OTUD7A: variants seen among roughly 807,000 people sequenced by gnomAD.
The protein encoded by OTUD7A is OTU domain-containing protein 7A.
A neutral mutation model predicts 65.7 loss-of-function variants in OTUD7A; 12 were observed. The ratio of observed to expected loss-of-function variants is 0.18; its 90% CI spans 0.12 to 0.30. OTUD7A has a LOEUF of 0.30. Among genes scored for constraint, OTUD7A ranks in the 10% least tolerant of loss-of-function variants. The pLI is 1.00. For synonymous variants in OTUD7A, 641 were observed against 586.3 expected, an observed-to-expected ratio of 1.09 and a Z score of -1.35; for missense variants, 1,148 against 1,304.8, an observed-to-expected ratio of 0.88 and a Z score of 1.85.
intron 1 of OTUD7A, among the ~76,000 whole-genome samples, chr15:31,783,509 C>CA (rs1343939293): frequency 6.6e-6 from 1 of 152,208 alleles, no homozygotes; most frequent in East Asian, 1.9e-4. Context: ...ATCAAACACT[C>CA]AAACTTACAA....
At chr15:31,516,049 T>A (rs2041848907) in intron 8 of OTUD7A, among the ~76,000 whole-genome samples, 1 of 152,238 alleles carries the variant, frequency 6.6e-6, no homozygotes, top group African/African-American at 2.4e-5. Flanking sequence ...TGTCTGTCCA[T>A]TCATCTACCC....
At position 31,493,099 on chromosome 15, in the gene OTUD7A, G is replaced by A. The variant is rs533046051; in HGVS notation, c.1172-5533C>T. 4.4e-4 allele frequency among the ~76,000 whole-genome samples: 67 copies of A among 151,670 alleles called. No individual in the cohort carries two copies. In the South Asian group the frequency reaches 8.4e-3, roughly 19 times the overall value. On this transcript the variant is annotated intron_variant, in intron 10 of 12. Transcript: ENST00000307050. ...TGTGTGCCTGTAATCCTAGCTACTC[G>A]GGAGGCTGAGGCAGGAGAATTGCTT...
intron 3 of OTUD7A, among the ~76,000 whole-genome samples, chr15:31,609,073 G>A (rs1305553643): frequency 6.6e-6 from 1 of 152,200 alleles, no homozygotes; most frequent in Non-Finnish European, 1.5e-5. Flanking sequence ...GGTAGAGGAG[G>A]CAGCGGGAAA....
chr15:31,575,824 G>A (rs1002128608), intron 3 of OTUD7A, among the ~76,000 whole-genome samples: 2 of 152,202 alleles, frequency 1.3e-5, no homozygotes, highest in African/African-American at 4.8e-5. Flanking sequence ...CAAGCGGGAG[G>A]CAGAGAGCTG....
chr15:31,605,940 G>A (rs184938893), intron 3 of OTUD7A, among the ~76,000 whole-genome samples: 2 of 152,280 alleles, frequency 1.3e-5, no homozygotes, highest in African/African-American at 4.8e-5. Context: ...GGAGCCTGTG[G>A]GGAAACCACA....
chr15:31,602,219 A>G (rs1317290016), intron 3 of OTUD7A, among the ~76,000 whole-genome samples: 3 of 152,342 alleles, frequency 2.0e-5, no homozygotes, highest in South Asian at 2.1e-4. Flanking sequence ...AATACTGGCA[A>G]ACCGAATCCA....
chr15:31,821,292 C>T (rs955567288), intron 1 of OTUD7A, among the ~76,000 whole-genome samples: 52 of 147,732 alleles, frequency 3.5e-4, no homozygotes, highest in African/African-American at 1.1e-3. Context: ...TGTGCCACCA[C>T]GCCCAGGTAC....
At chr15:31,724,529 C>T (rs1317314532) in intron 1 of OTUD7A, among the ~76,000 whole-genome samples, 1 of 152,140 alleles carries the variant, frequency 6.6e-6, no homozygotes, top group Non-Finnish European at 1.5e-5. Context: ...ACACAATATG[C>T]CTCTGATGCA....
chr15:31,763,810 C>T (rs1189569898), intron 1 of OTUD7A, among the ~76,000 whole-genome samples: 1 of 152,146 alleles, frequency 6.6e-6, no homozygotes, highest in African/African-American at 2.4e-5. Flanking sequence ...AAAATCACCG[C>T]ATTATAAATA....
intron 4 of OTUD7A, among the ~76,000 whole-genome samples, chr15:31,564,052 G>A (rs1888783057): frequency 6.6e-6 from 1 of 151,874 alleles, no homozygotes; most frequent in Non-Finnish European, 1.5e-5. Flanking sequence ...GAGATAAATA[G>A]AATATCAGAA....
At chr15:31,573,284 G>C (rs937700549) in intron 3 of OTUD7A, among the ~76,000 whole-genome samples, 1 of 152,112 alleles carries the variant, frequency 6.6e-6, no homozygotes, top group Admixed American at 6.5e-5. Context: ...TCTGTATAAA[G>C]GCTGTAGACA....
intron 3 of OTUD7A, among the ~76,000 whole-genome samples, chr15:31,619,416 T>C (rs1435082758): frequency 6.6e-6 from 1 of 152,240 alleles, no homozygotes; most frequent in Non-Finnish European, 1.5e-5. Flanking sequence ...GCATGGAATG[T>C]TCTTCCATTT....
intron 5 of OTUD7A, among the ~76,000 whole-genome samples, chr15:31,547,294 AC>A (rs1387603096): frequency 4.6e-5 from 7 of 152,234 alleles, no homozygotes; most frequent in Non-Finnish European, 1.0e-4. Context: ...GAGTCTATAA[AC>A]AAGGCTACAA....
intron 1 of OTUD7A, among the ~76,000 whole-genome samples, chr15:31,685,056 A>G (rs1315634719): frequency 2.0e-5 from 3 of 152,164 alleles, no homozygotes; most frequent in Non-Finnish European, 4.4e-5. Context: ...AACTTGAAAA[A>G]GGGAAAAATG....
At chr15:31,863,308 G>A (rs1897793483) in intron 1 of OTUD7A, among the ~76,000 whole-genome samples, 2 of 152,138 alleles carry the variant, frequency 1.3e-5, no homozygotes, top group Admixed American at 1.3e-4. Flanking sequence ...GCTCCACTAG[G>A]CAGTGCCCCA....
intron 5 of OTUD7A, among the ~76,000 whole-genome samples, chr15:31,538,673 C>T (rs1887884731): frequency 6.6e-6 from 1 of 152,190 alleles, no homozygotes; most frequent in South Asian, 2.1e-4. Context: ...AGCCGTATTA[C>T]TGAGTAACGA....
intron 1 of OTUD7A, among the ~76,000 whole-genome samples, chr15:31,830,974 G>T (rs1896915853): frequency 6.6e-6 from 1 of 152,130 alleles, no homozygotes; most frequent in African/African-American, 2.4e-5. Flanking sequence ...GACCAACAAT[G>T]GAACAGAATA....
chr15:31,485,220 G>A (rs1455199402), intron 12 of OTUD7A, among the ~76,000 whole-genome samples: 3 of 152,192 alleles, frequency 2.0e-5, no homozygotes, highest in African/African-American at 7.2e-5. Flanking sequence ...CAGGTGGGGA[G>A]GACACTGGGC....
intron 3 of OTUD7A, among the ~76,000 whole-genome samples, chr15:31,632,487 T>C (rs1358754849): frequency 6.6e-6 from 1 of 152,212 alleles, no homozygotes; most frequent in Non-Finnish European, 1.5e-5. Context: ...TCTGGAAGTT[T>C]TGTCTCAGAG....
Sources: allele counts gnomAD v4.1 joint callset (sites outside exome capture counted in the v4.1 genomes callset), GRCh38; gene constraint gnomAD v4.1.1; transcripts MANE v1.5; gene names NCBI Gene and HGNC (gene_info 2026-07-23, HGNC 2026-07-21).